DISP1: variants seen among roughly 807,000 people sequenced by gnomAD.
DISP1 encodes protein dispatched homolog 1.
DISP1 carries 30 observed loss-of-function variants against 37.3 expected under a neutral mutation model. The ratio of observed to expected loss-of-function variants is 0.80; its 90% CI spans 0.60 to 1.09. DISP1 has a LOEUF of 1.09. DISP1 is among the 50% of genes least tolerant of loss of function. The pLI is 0.00. For missense variants in DISP1, 1,598 were observed against 1,879.5 expected, an observed-to-expected ratio of 0.85 and a Z score of 2.77; for synonymous variants, 634 against 690.2, an observed-to-expected ratio of 0.92 and a Z score of 1.28.
rs116377305 is a variant in DISP1 at position 222,895,602 on chromosome 1, A to G, written c.-158-32828A>G. On this transcript the variant is annotated intron_variant, in intron 1 of 8. Transcript: ENST00000675850. The stretch of plus-strand genomic sequence containing the variant: ...GTACATTTTATCTCTTTAAAATAAC[A>G]TGATTGATAAACAGATCAATGGAAC... Among the ~76,000 whole-genome samples, 1,024 of 152,272 alleles carry G rather than the reference A, an allele frequency of 6.7e-3. 14 individuals carry two copies. Among genetic ancestry groups the G allele is most frequent in the African/African-American group, 0.023 (949 of 41,566 alleles).
At chr1:222,935,451 C>T (rs1182455212) in intron 2 of DISP1, among the ~76,000 whole-genome samples, 1 of 152,160 alleles carries the variant, frequency 6.6e-6, no homozygotes, top group Non-Finnish European at 1.5e-5. Context: ...CACCATTTGT[C>T]ATCAGTATGT....
chr1:222,944,255 G>GTAC (rs1195271001), intron 3 of DISP1, among the ~76,000 whole-genome samples: 2 of 152,120 alleles, frequency 1.3e-5, no homozygotes, highest in Admixed American at 6.6e-5. Context: ...ACCTTGAAAA[G>GTAC]TACTAGAAAA....
At chr1:222,955,126 G>A (rs886303615) in intron 3 of DISP1, among the ~76,000 whole-genome samples, 14 of 149,352 alleles carry the variant, frequency 9.4e-5, no homozygotes, top group Admixed American at 6.7e-4. Context: ...TCGCTCTGTC[G>A]CCCAGGCTAG....
intron 1 of DISP1, among the ~76,000 whole-genome samples, chr1:222,875,858 A>G (rs2125356473): frequency 6.6e-6 from 1 of 151,736 alleles, no homozygotes; most frequent in African/African-American, 2.4e-5. Context: ...AAAGAAAGAA[A>G]AAGAAAATAG....
chr1:222,885,408 A>G (rs988308941), intron 1 of DISP1, among the ~76,000 whole-genome samples: 1 of 151,520 alleles, frequency 6.6e-6, no homozygotes, highest in African/African-American at 2.4e-5. Context: ...AAGATATTCC[A>G]GGCTCATCTT....
At chr1:222,815,751 C>T (rs1661055369) in intron 1 of DISP1, among the ~76,000 whole-genome samples, 1 of 152,208 alleles carries the variant, frequency 6.6e-6, no homozygotes, top group African/African-American at 2.4e-5. Flanking sequence ...GAGTTCTCTT[C>T]ACCCAAGGAA....
chr1:222,908,258 C>G (rs574640742), intron 1 of DISP1, among the ~76,000 whole-genome samples: 1 of 151,974 alleles, frequency 6.6e-6, no homozygotes, highest in Non-Finnish European at 1.5e-5. Context: ...GGTTGTGTGC[C>G]GAAGGATCAC....
intron 1 of DISP1, among the ~76,000 whole-genome samples, chr1:222,896,236 A>G (rs1671249913): frequency 6.6e-6 from 1 of 152,136 alleles, no homozygotes; most frequent in Non-Finnish European, 1.5e-5. Flanking sequence ...TGAGCCTGGG[A>G]AGTCAAGGCT....
At chr1:222,974,424 C>G (rs1460352706) in intron 3 of DISP1, among the ~76,000 whole-genome samples, 2 of 152,160 alleles carry the variant, frequency 1.3e-5, no homozygotes, top group African/African-American at 4.8e-5. Context: ...TTTTTTCATG[C>G]TCAAAATAGT....
chr1:222,910,996 ACTT>A (rs1268387048), intron 1 of DISP1, among the ~76,000 whole-genome samples: 1 of 152,162 alleles, frequency 6.6e-6, no homozygotes, highest in Non-Finnish European at 1.5e-5. Context: ...TTTTTAGCTG[ACTT>A]TTTTCCAGGC....
chr1:222,904,846 G>A (rs1028223346), intron 1 of DISP1, among the ~76,000 whole-genome samples: 6 of 152,208 alleles, frequency 3.9e-5, no homozygotes, highest in African/African-American at 1.2e-4. Flanking sequence ...GATTATAGGC[G>A]TGAGCCACTG....
intron 7 of DISP1, among the ~76,000 whole-genome samples, chr1:222,994,182 C>G (rs1417868579): frequency 6.6e-6 from 1 of 152,042 alleles, no homozygotes; most frequent in African/African-American, 2.4e-5. Flanking sequence ...AATGAAGAAC[C>G]AAGGCTCAGA....
intron 1 of DISP1, among the ~76,000 whole-genome samples, chr1:222,921,870 T>C (rs189829544): frequency 1.3e-5 from 2 of 152,008 alleles, no homozygotes; most frequent in East Asian, 1.9e-4. Context: ...ATTAAGAGGG[T>C]AAAAGAGATA....
At chr1:222,825,152 G>C (rs534910532) in intron 1 of DISP1, among the ~76,000 whole-genome samples, 4 of 150,744 alleles carry the variant, frequency 2.7e-5, no homozygotes, top group East Asian at 2.0e-4. Flanking sequence ...TGGGGAATGT[G>C]GGGGGGCAGT....
intron 1 of DISP1, among the ~76,000 whole-genome samples, chr1:222,903,386 T>C (rs1434961705): frequency 2.6e-5 from 4 of 151,478 alleles, no homozygotes; most frequent in African/African-American, 9.7e-5. Context: ...CAACGTGGCA[T>C]ATGTATACAT....
intron 1 of DISP1, among the ~76,000 whole-genome samples, chr1:222,815,790 TCTC>T (rs1182910327): frequency 7.9e-5 from 12 of 152,236 alleles, no homozygotes; most frequent in South Asian, 2.1e-4. Context: ...TTTGGACTCT[TCTC>T]TACCCTGCAG....
chr1:222,963,762 TG>T (rs1350861234), intron 3 of DISP1, among the ~76,000 whole-genome samples: 5 of 149,314 alleles, frequency 3.3e-5, no homozygotes, highest in Non-Finnish European at 7.4e-5. Flanking sequence ...CAGGGCCTGT[TG>T]GGGGGTTGGG....
At chr1:222,900,094 A>G (rs1671497434) in intron 1 of DISP1, among the ~76,000 whole-genome samples, 1 of 152,240 alleles carries the variant, frequency 6.6e-6, no homozygotes, top group Non-Finnish European at 1.5e-5. Flanking sequence ...AGTAAAATAC[A>G]GGTAGTTTAG....
chr1:222,973,261 T>C (rs1263526690), intron 3 of DISP1, among the ~76,000 whole-genome samples: 1 of 152,204 alleles, frequency 6.6e-6, no homozygotes, highest in Non-Finnish European at 1.5e-5. Context: ...GAACATATGC[T>C]CATGAGGAAT....
Sources: allele counts gnomAD v4.1 joint callset (sites outside exome capture counted in the v4.1 genomes callset), GRCh38; gene constraint gnomAD v4.1.1; transcripts MANE v1.5; gene names NCBI Gene and HGNC (gene_info 2026-07-23, HGNC 2026-07-21).